Variants in DOCK3 observed in about 807,000 individuals in gnomAD.
The protein encoded by DOCK3 is dedicator of cytokinesis protein 3.
A neutral mutation model predicts 265.6 loss-of-function variants in DOCK3; 60 were observed. The ratio of observed to expected loss-of-function variants is 0.23; its 90% CI spans 0.18 to 0.28. The LOEUF (loss-of-function observed/expected upper bound fraction) is 0.28, where lower values mean the gene tolerates loss of function less well. Among genes scored for constraint, DOCK3 ranks in the 10% least tolerant of loss-of-function variants. The pLI is 1.00. For synonymous variants in DOCK3, 881 were observed against 938.0 expected, an observed-to-expected ratio of 0.94 and a Z score of 1.11; for missense variants, 1,981 against 2,594.3, an observed-to-expected ratio of 0.76 and a Z score of 5.14.
chr3:51,172,647 G>T (rs528391520), intron 12 of DOCK3, among the ~76,000 whole-genome samples: 1 of 152,222 alleles, frequency 6.6e-6, no homozygotes, highest in African/African-American at 2.4e-5. Flanking sequence ...TTGCCATTTT[G>T]TTCACTGTTC....
At chr3:50,820,401 A>G (rs1966920) in intron 2 of DOCK3, among the ~76,000 whole-genome samples, 14,361 of 152,218 alleles carry the variant, frequency 0.094, 839 homozygotes, top group Non-Finnish European at 0.12. Context: ...GCTGTCTCAC[A>G]CTTATAAGTG....
Position 51,246,919 on chromosome 3 carries a change from T to G in DOCK3, c.2184+112T>G, listed in dbSNP as rs2078868927. On this transcript the variant is annotated intron_variant, in intron 22 of 52. Transcript: ENST00000266037. The stretch of plus-strand genomic sequence containing the variant: ...GTAGACATCGCAGTACCTGGCCTGC[T>G]TTCAGGAATGACTGTCTTGATCCAC... 4.8e-6 allele frequency: 5 copies of G among 1,037,884 alleles called. No homozygotes were observed. The East Asian group carries it at 1.3e-4, about 27-fold the overall frequency. The allele number at this position is 1,037,884 out of a possible 1,614,324, so 64.3% of individuals were successfully genotyped here. A position where few individuals can be genotyped will look rare whatever the true frequency, so the allele number is the denominator to read the frequency against.
chr3:51,151,863 C>T (rs1421656020), intron 10 of DOCK3, among the ~76,000 whole-genome samples: 1 of 152,196 alleles, frequency 6.6e-6, no homozygotes. Flanking sequence ...CCAATAGATC[C>T]ACTGTTAGTC....
chr3:50,812,264 C>T (rs1441857449), intron 2 of DOCK3, among the ~76,000 whole-genome samples: 1 of 152,246 alleles, frequency 6.6e-6, no homozygotes, highest in East Asian at 1.9e-4. Flanking sequence ...CACTACTGGG[C>T]CTCCAACGTG....
intron 30 of DOCK3, 89 bp downstream of exon 30, chr3:51,312,665 T>C (rs2109589295): frequency 7.4e-7 from 1 of 1,359,010 alleles, no homozygotes; most frequent in South Asian, 1.4e-5. Context: ...TCCACAAGGT[T>C]CTCAGCTGGG....
At chr3:51,084,589 AT>A (rs1392057740) in intron 7 of DOCK3, among the ~76,000 whole-genome samples, 1 of 152,164 alleles carries the variant, frequency 6.6e-6, no homozygotes, top group Non-Finnish European at 1.5e-5. Flanking sequence ...CCTACAAGAA[AT>A]GTTTCAGGGA....
chr3:51,312,816 C>T (rs370172893), intron 30 of DOCK3, 28 bp from the exon 31 acceptor site: 51 of 1,599,986 alleles, frequency 3.2e-5, no homozygotes, highest in Admixed American at 8.7e-5. Context: ...CTCCCACTAA[C>T]GGTTGGCTCC....
chr3:51,296,360 C>A (rs1434624279), intron 27 of DOCK3, among the ~76,000 whole-genome samples: 1 of 152,116 alleles, frequency 6.6e-6, no homozygotes, highest in Non-Finnish European at 1.5e-5. Flanking sequence ...GAAAGATTCA[C>A]AGTTCCCATT....
chr3:50,961,191 G>A (rs988550965), intron 5 of DOCK3, among the ~76,000 whole-genome samples: 24 of 152,072 alleles, frequency 1.6e-4, no homozygotes, highest in Admixed American at 1.6e-3. Context: ...GGCTATTTTG[G>A]GTCCTTTACA....
chr3:51,026,433 G>GTT (rs34722593), intron 5 of DOCK3, among the ~76,000 whole-genome samples: 11 of 140,220 alleles, frequency 7.8e-5, no homozygotes, highest in East Asian at 2.1e-4. Flanking sequence ...TTGGCCTGTA[G>GTT]TTTTTTTTTT....
intron 14 of DOCK3, among the ~76,000 whole-genome samples, chr3:51,224,295 T>C (rs750039093): frequency 5.9e-5 from 9 of 152,314 alleles, no homozygotes; most frequent in Middle Eastern, 3.4e-3. Context: ...CAAGATTGCA[T>C]ACCTGGGATA....
At chr3:51,132,838 T>G (rs1358724682) in intron 9 of DOCK3, among the ~76,000 whole-genome samples, 1 of 152,132 alleles carries the variant, frequency 6.6e-6, no homozygotes, top group East Asian at 1.9e-4. Flanking sequence ...GACACTGAGT[T>G]TGTGAACTCT....
intron 1 of DOCK3, among the ~76,000 whole-genome samples, chr3:50,771,390 A>G (rs1426596383): frequency 1.3e-5 from 2 of 152,232 alleles, no homozygotes; most frequent in Non-Finnish European, 2.9e-5. Context: ...TGAGACCTAC[A>G]ATGAAATACC....
intron 27 of DOCK3, among the ~76,000 whole-genome samples, chr3:51,300,996 A>G (rs2082334151): frequency 6.6e-6 from 1 of 151,972 alleles, no homozygotes; most frequent in South Asian, 2.1e-4. Context: ...TCCTCTTTAT[A>G]CCTCTGGTAG....
intron 3 of DOCK3, among the ~76,000 whole-genome samples, chr3:50,850,413 G>T (rs569291853): frequency 6.6e-6 from 1 of 151,274 alleles, no homozygotes; most frequent in South Asian, 2.1e-4. Flanking sequence ...TTTGGATCTT[G>T]TTGAGCTTCC....
chr3:51,345,712 G>C (rs924829030), intron 38 of DOCK3, among the ~76,000 whole-genome samples: 1 of 152,062 alleles, frequency 6.6e-6, no homozygotes, highest in African/African-American at 2.4e-5. Flanking sequence ...TTTTTAATTG[G>C]TCCTGCAGTT....
chr3:50,723,816 G>A (rs1240012751), intron 1 of DOCK3, among the ~76,000 whole-genome samples: 1 of 152,116 alleles, frequency 6.6e-6, no homozygotes, highest in Admixed American at 6.6e-5. Context: ...AACACCAAAA[G>A]CAATGGCAAC....
chr3:51,143,811 T>C (rs1487214300), intron 9 of DOCK3, among the ~76,000 whole-genome samples: 1 of 152,220 alleles, frequency 6.6e-6, no homozygotes, highest in Non-Finnish European at 1.5e-5. Flanking sequence ...CAGTATCTTT[T>C]AAAAAGAAAG....
At chr3:51,216,896 G>A (rs1365593562) in intron 14 of DOCK3, among the ~76,000 whole-genome samples, 2 of 152,142 alleles carry the variant, frequency 1.3e-5, no homozygotes, top group Admixed American at 1.3e-4. Flanking sequence ...CTGTGAGAGT[G>A]TTTTACTTGA....
Sources: gnomAD v4.1 joint callset for allele counts (sites outside exome capture counted in the v4.1 genomes callset) on GRCh38, gnomAD v4.1.1 for gene constraint, MANE v1.5 for transcripts, NCBI Gene and HGNC (gene_info 2026-07-23, HGNC 2026-07-21) for gene names.